The following ITCH variants were observed in gnomAD, a reference collection of about 807,000 sequenced individuals.
The protein encoded by ITCH is E3 ubiquitin-protein ligase Itchy homolog.
ITCH carries 28 observed loss-of-function variants against 126.8 expected under a neutral mutation model. That is an observed-to-expected ratio of 0.22 (90% CI 0.16 to 0.30). The LOEUF is 0.30. Ranked by LOEUF, ITCH falls within the 10% of genes least tolerant of loss-of-function variation. The pLI, the probability that ITCH is intolerant of heterozygous loss-of-function variation, is 1.00. For missense variants in ITCH, 631 were observed against 1,032.4 expected (o/e 0.61, Z 5.33); for synonymous variants, 342 against 340.0 (o/e 1.01, Z -0.06).
chr20:34,369,760 A>G (rs1223726798), intron 2 of ITCH, among the ~76,000 whole-genome samples: 3 of 152,166 alleles, frequency 2.0e-5, no homozygotes, highest in Non-Finnish European at 2.9e-5. Flanking sequence ...TTATCTCTGT[A>G]TACTATCTAG....
intron 6 of ITCH, among the ~76,000 whole-genome samples, chr20:34,421,797 C>T (rs1257059777): frequency 2.6e-5 from 4 of 152,168 alleles, no homozygotes; most frequent in East Asian, 3.9e-4. Context: ...CACTTGAGTC[C>T]GGGAGTTTGA....
intron 23 of ITCH, among the ~76,000 whole-genome samples, chr20:34,494,382 A>G (rs1989720117): frequency 6.6e-6 from 1 of 152,214 alleles, no homozygotes; most frequent in Non-Finnish European, 1.5e-5. Flanking sequence ...GGTGATTTCT[A>G]GGAAAGTTTT....
chr20:34,447,897 G>A (rs1984661930), intron 11 of ITCH, among the ~76,000 whole-genome samples: 1 of 152,134 alleles, frequency 6.6e-6, no homozygotes, highest in Admixed American at 6.5e-5. Flanking sequence ...TTGTAGGGGT[G>A]GGTAAAGAAA....
chr20:34,489,994 G>T, intron 22 of ITCH, 68 bp downstream of exon 22: 1 of 1,121,324 alleles, frequency 8.9e-7, no homozygotes, highest in Non-Finnish European at 1.4e-6. Flanking sequence ...TACCACATAT[G>T]GAAATGAGTC....
chr20:34,440,545 C>A (rs1983615795), intron 9 of ITCH, among the ~76,000 whole-genome samples: 1 of 151,982 alleles, frequency 6.6e-6, no homozygotes, highest in African/African-American at 2.4e-5. Context: ...CGACCTCCGC[C>A]CCCTGGGTTC....
chr20:34,482,829 C>A (rs945954247), intron 20 of ITCH, among the ~76,000 whole-genome samples: 1 of 152,226 alleles, frequency 6.6e-6, no homozygotes, highest in African/African-American at 2.4e-5. Flanking sequence ...ACTGACCTAG[C>A]AGAGGTTCTC....
At chr20:34,408,884 TTG>T in intron 4 of ITCH, 92 bp downstream of exon 4, 2 of 1,291,636 alleles carry the variant, frequency 1.5e-6, no homozygotes, top group African/African-American at 1.5e-5. Flanking sequence ...TGGTTTTTTG[TTG>T]TTGTTGTTCC....
intron 6 of ITCH, among the ~76,000 whole-genome samples, chr20:34,418,260 C>T (rs999152778): frequency 1.3e-5 from 2 of 152,080 alleles, no homozygotes; most frequent in African/African-American, 4.8e-5. Flanking sequence ...CCACCACTCC[C>T]GGCCACTTTT....
intron 14 of ITCH, among the ~76,000 whole-genome samples, chr20:34,464,598 A>G (rs1986873144): frequency 6.6e-6 from 1 of 151,648 alleles, no homozygotes; most frequent in Admixed American, 6.6e-5. Flanking sequence ...AAGTGTTGGG[A>G]TTACAGATGT....
At chr20:34,436,044 T>C (rs1301913513) in intron 7 of ITCH, among the ~76,000 whole-genome samples, 1 of 152,178 alleles carries the variant, frequency 6.6e-6, no homozygotes, top group Non-Finnish European at 1.5e-5. Flanking sequence ...GAGATCAAAA[T>C]GTTATAAGGG....
At chr20:34,504,567 T>G (rs569418476) in intron 24 of ITCH, among the ~76,000 whole-genome samples, 164 bp downstream of exon 24, 2 of 152,248 alleles carry the variant, frequency 1.3e-5, no homozygotes, top group African/African-American at 4.8e-5. Context: ...GTATGATTCC[T>G]TACAACTATT....
At chr20:34,390,208 T>G (rs967706068) in intron 2 of ITCH, among the ~76,000 whole-genome samples, 1 of 152,184 alleles carries the variant, frequency 6.6e-6, no homozygotes, top group African/African-American at 2.4e-5. Context: ...TTCCTACAAC[T>G]GTCTTTAATT....
chr20:34,472,386 A>C (rs1020597566), intron 16 of ITCH, among the ~76,000 whole-genome samples: 3 of 132,940 alleles, frequency 2.3e-5, no homozygotes, highest in East Asian at 2.1e-4. Context: ...AAAAAAAAAA[A>C]AAAAAAAAAA....
chr20:34,415,212 T>G lies in ITCH; in HGVS notation c.475+1333T>G, dbSNP rs1002469750. The stretch of plus-strand genomic sequence containing the variant: ...TTGCAGCTGTCAGGTGCTATTCTTT[T>G]TCTACTTTGTTGAAAGACTTCCTAC... On this transcript the variant is annotated intron_variant, in intron 6 of 24. Coordinates refer to ENST00000374864, the MANE Select transcript of ITCH (RefSeq NM_031483.7). Among the ~76,000 whole-genome samples the G allele has an allele frequency of 2.0e-5, 3 of 152,170 alleles. No individual in the cohort carries two copies. The South Asian group carries it at 6.2e-4, about 32-fold the overall frequency.
At chr20:34,368,402 T>A (rs1366457178) in intron 1 of ITCH, among the ~76,000 whole-genome samples, 3 of 148,596 alleles carry the variant, frequency 2.0e-5, no homozygotes, top group Non-Finnish European at 4.4e-5. Context: ...TTATAAGAAT[T>A]AAGACAAAAG....
chr20:34,449,133 G>A (rs547268586), intron 11 of ITCH, among the ~76,000 whole-genome samples: 6 of 152,106 alleles, frequency 3.9e-5, no homozygotes, highest in Non-Finnish European at 7.4e-5. Context: ...TGTAAAATTT[G>A]TAGCACAAAG....
At chr20:34,406,983 C>T (rs1384319197) in intron 3 of ITCH, among the ~76,000 whole-genome samples, 2 of 151,970 alleles carry the variant, frequency 1.3e-5, no homozygotes, top group African/African-American at 4.8e-5. Context: ...TGGGTACTTC[C>T]TTGGTTGTAG....
intron 3 of ITCH, among the ~76,000 whole-genome samples, chr20:34,394,353 TAC>T (rs1490487834): frequency 6.6e-6 from 1 of 152,232 alleles, no homozygotes; most frequent in East Asian, 1.9e-4. Flanking sequence ...TTGGATATTT[TAC>T]AGTTTTTTTT....
At chr20:34,475,802 G>T in intron 16 of ITCH, 2 of 656,130 alleles carry the variant, frequency 3.0e-6, no homozygotes, top group South Asian at 1.8e-5. Flanking sequence ...TATACAAGGT[G>T]AATTAAAATA....
Sources: gnomAD v4.1 joint callset for allele counts (sites outside exome capture counted in the v4.1 genomes callset) on GRCh38, gnomAD v4.1.1 for gene constraint, MANE v1.5 for transcripts, NCBI Gene and HGNC (gene_info 2026-07-23, HGNC 2026-07-21) for gene names.